TXNDC8: variants seen among roughly 807,000 people sequenced by gnomAD.
TXNDC8 encodes the protein thioredoxin domain containing 8.
Under a neutral mutation model 12.9 loss-of-function variants are expected in TXNDC8, and 15 were observed. That is an observed-to-expected ratio of 1.16 (90% CI 0.78 to 1.79). TXNDC8 has a LOEUF of 1.79. TXNDC8 is among the 40% of genes most tolerant of loss of function. TXNDC8 has a pLI of 0.00. For missense variants in TXNDC8, 128 were observed against 113.2 expected (o/e 1.13, Z -0.59); for synonymous variants, 40 against 35.4 (o/e 1.13, Z -0.46).
chr9:110,331,780 C>T (rs974754970), intron 2 of TXNDC8, among the ~76,000 whole-genome samples: 1 of 152,148 alleles, frequency 6.6e-6, no homozygotes, highest in Non-Finnish European at 1.5e-5. Context: ...CCTATGAAAA[C>T]CTAATGCTGC....
At chr9:110,333,941 T>C (rs544481382) in intron 2 of TXNDC8, among the ~76,000 whole-genome samples, 1 of 152,368 alleles carries the variant, frequency 6.6e-6, no homozygotes, top group African/African-American at 2.4e-5. Flanking sequence ...ATTGCTATAA[T>C]ATGAAGAATC....
intron 3 of TXNDC8, among the ~76,000 whole-genome samples, chr9:110,310,058 A>G (rs184599118): frequency 6.8e-4 from 103 of 152,318 alleles, no homozygotes; most frequent in Admixed American, 2.0e-3. Flanking sequence ...AGCACTCCAT[A>G]GGTTTTATGG....
chr9:110,328,251 A>G (rs1839410911), intron 2 of TXNDC8, among the ~76,000 whole-genome samples: 1 of 152,214 alleles, frequency 6.6e-6, no homozygotes, highest in Admixed American at 6.5e-5. Flanking sequence ...GGTACCTCTC[A>G]TCATTACAAA....
intron 1 of TXNDC8, among the ~76,000 whole-genome samples, chr9:110,336,023 TA>T (rs1006921016): frequency 2.4e-4 from 37 of 152,186 alleles, no homozygotes; most frequent in Non-Finnish European, 4.3e-4. Flanking sequence ...TGAGTCAGTC[TA>T]AAAATATCTG....
intron 3 of TXNDC8, among the ~76,000 whole-genome samples, chr9:110,312,558 A>C (rs1251449122): frequency 6.6e-6 from 1 of 152,228 alleles, no homozygotes; most frequent in Non-Finnish European, 1.5e-5. Context: ...GAATTCCCAT[A>C]GGCATTTGAT....
At chr9:110,320,925 G>T (rs185214590) in intron 3 of TXNDC8, among the ~76,000 whole-genome samples, 1 of 152,320 alleles carries the variant, frequency 6.6e-6, no homozygotes, top group East Asian at 1.9e-4. Flanking sequence ...CCTGGAATTT[G>T]CTTAGGCTCT....
chr9:110,337,827 C>A lies in TXNDC8; in HGVS notation c.-31G>T. The A allele has an allele frequency of 6.2e-7, 1 of 1,612,120 alleles. No individual in the cohort carries two copies. The highest frequency in any genetic ancestry group is 8.5e-7 in the Non-Finnish European group (1 of 1,178,740). ...CACCAGGGAAGTGCTGATGAAAATC[C>A]CCTGTTGGTTTAGTTGGATCACTGT... On this transcript the variant is annotated 5_prime_UTR_variant, in exon 1 of 5. Transcript: ENST00000423740.
chr9:110,321,581 A>T (rs914400647), intron 3 of TXNDC8, among the ~76,000 whole-genome samples: 11 of 152,240 alleles, frequency 7.2e-5, no homozygotes, highest in African/African-American at 2.7e-4. Flanking sequence ...AACTGCTTCA[A>T]TAAGTCAGTT....
intron 2 of TXNDC8, among the ~76,000 whole-genome samples, chr9:110,333,706 A>T (rs1289174611): frequency 6.6e-6 from 1 of 152,222 alleles, no homozygotes; most frequent in Non-Finnish European, 1.5e-5. Flanking sequence ...AAATAAACAG[A>T]TTTTGTTTAT....
At chr9:110,314,216 C>T (rs1838791465) in intron 3 of TXNDC8, among the ~76,000 whole-genome samples, 1 of 152,064 alleles carries the variant, frequency 6.6e-6, no homozygotes, top group Non-Finnish European at 1.5e-5. Flanking sequence ...AAGCCCCCTC[C>T]CCACTTTGAG....
At chr9:110,310,667 A>G (rs1473469478) in intron 3 of TXNDC8, among the ~76,000 whole-genome samples, 1 of 152,222 alleles carries the variant, frequency 6.6e-6, no homozygotes, top group African/African-American at 2.4e-5. Flanking sequence ...TTTCAAGTTT[A>G]TGTAACTTAA....
At chr9:110,334,182 C>G in intron 2 of TXNDC8, 34 bp downstream of exon 2, 3 of 1,484,888 alleles carry the variant, frequency 2.0e-6, no homozygotes, top group Non-Finnish European at 2.7e-6. Flanking sequence ...TAAATTTCTT[C>G]TGAAACTATG....
chr9:110,307,299 C>T (rs796398383), intron 3 of TXNDC8, among the ~76,000 whole-genome samples: 24 of 152,042 alleles, frequency 1.6e-4, no homozygotes, highest in African/African-American at 4.8e-4. Context: ...AGTAAGTGTA[C>T]CATTGATGAC....
intron 3 of TXNDC8, among the ~76,000 whole-genome samples, chr9:110,307,594 A>G (rs1838514860): frequency 6.6e-6 from 1 of 152,222 alleles, no homozygotes; most frequent in Non-Finnish European, 1.5e-5. Flanking sequence ...GGGTCCCCAA[A>G]TCACTAAGCT....
At chr9:110,305,063 A>T (rs545326146) in intron 3 of TXNDC8, among the ~76,000 whole-genome samples, 1 of 146,262 alleles carries the variant, frequency 6.8e-6, no homozygotes, top group South Asian at 2.2e-4. Context: ...CACGAGAATC[A>T]CTTGAACCCA....
At chr9:110,329,166 A>T in intron 2 of TXNDC8, 66 bp downstream of exon 3, 1 of 1,323,434 alleles carries the variant, frequency 7.6e-7, no homozygotes, top group Non-Finnish European at 1.1e-6. Context: ...AATTACTGAG[A>T]CAGTGCTATT....
chr9:110,335,457 C>T (rs774722055), intron 1 of TXNDC8, among the ~76,000 whole-genome samples: 9 of 152,168 alleles, frequency 5.9e-5, no homozygotes, highest in Non-Finnish European at 1.3e-4. Flanking sequence ...CTGTTCAAGA[C>T]TTTTCCTTTT....
At chr9:110,326,152 T>G in intron 3 of TXNDC8, 23 bp downstream of exon 4, 4 of 1,613,830 alleles carry the variant, frequency 2.5e-6, no homozygotes, top group Non-Finnish European at 3.4e-6. Flanking sequence ...AATTCAACCC[T>G]GCTGGTTACC....
At position 110,308,947 on chromosome 9, in the gene TXNDC8, A is replaced by G. The variant is rs149905737; in HGVS notation, c.196-4415T>C. Among the ~76,000 whole-genome samples, 445 of 152,304 alleles carry G rather than the reference A, an allele frequency of 2.9e-3. 1 individual carries two copies. The highest frequency in any genetic ancestry group is 4.7e-3 in the Non-Finnish European group (320 of 68,030). ...TTGTAGATACCAGAGATGACCTTGT[A>G]CTGTGAGAGGTTTTGACCTTAGCGT... On this transcript the variant is annotated intron_variant, in intron 3 of 4. Coordinates refer to ENST00000423740, the MANE Select transcript of TXNDC8 (RefSeq NM_001286946.2).
Sources: gnomAD v4.1 joint callset for allele counts (sites outside exome capture counted in the v4.1 genomes callset) on GRCh38, gnomAD v4.1.1 for gene constraint, MANE v1.5 for transcripts, NCBI Gene and HGNC (gene_info 2026-07-23, HGNC 2026-07-21) for gene names.